Variants in NRG1 observed in about 807,000 individuals in gnomAD.
The protein encoded by NRG1 is neuregulin 1.
A neutral mutation model predicts 63.8 loss-of-function variants in NRG1; 18 were observed. That is an observed-to-expected ratio of 0.28 (90% CI 0.19 to 0.42). The LOEUF (loss-of-function observed/expected upper bound fraction) is 0.42. Ranked by LOEUF, NRG1 falls within the 10% of genes least tolerant of loss-of-function variation. The pLI is 1.00. For synonymous variants in NRG1, 302 were observed against 301.3 expected (o/e 1.00, Z -0.02); for missense variants, 762 against 814.7 (o/e 0.94, Z 0.79).
downstream of NRG1, among the ~76,000 whole-genome samples, chr8:32,769,586 A>G (rs1831652594): frequency 6.6e-6 from 1 of 152,196 alleles, no homozygotes; most frequent in Non-Finnish European, 1.5e-5. Flanking sequence ...AGTTTCGATG[A>G]CTTTATATGA....
intron 1 of NRG1, among the ~76,000 whole-genome samples, chr8:32,335,921 G>A (rs1465961954): frequency 6.6e-6 from 1 of 152,020 alleles, no homozygotes; most frequent in Non-Finnish European, 1.5e-5. Context: ...CATGGACAAT[G>A]CTAACATCCT....
At chr8:32,597,729 A>G (rs73678407) in intron 2 of NRG1, among the ~76,000 whole-genome samples, 1 of 152,240 alleles carries the variant, frequency 6.6e-6, no homozygotes, top group African/African-American at 2.4e-5. Flanking sequence ...TATACCCATT[A>G]AAAATGTAAT....
intron 1 of NRG1, among the ~76,000 whole-genome samples, chr8:31,921,754 T>C (rs765821402): frequency 3.9e-5 from 6 of 152,204 alleles, no homozygotes; most frequent in Non-Finnish European, 8.8e-5. Flanking sequence ...TGTTGAGCAC[T>C]AAAATATGAT....
At chr8:31,881,776 A>C (rs890195112) in intron 1 of NRG1, among the ~76,000 whole-genome samples, 1 of 152,186 alleles carries the variant, frequency 6.6e-6, no homozygotes, top group South Asian at 2.1e-4. Context: ...GAGATCAGCC[A>C]CAACATTCTC....
At chr8:31,670,220 A>C (rs1806980720) in intron 1 of NRG1, among the ~76,000 whole-genome samples, 1 of 152,140 alleles carries the variant, frequency 6.6e-6, no homozygotes, top group Non-Finnish European at 1.5e-5. Flanking sequence ...ACAAAAACTT[A>C]CTAAAAGTCA....
At chr8:32,091,288 A>AT (rs914195452) in intron 1 of NRG1, among the ~76,000 whole-genome samples, 1 of 151,974 alleles carries the variant, frequency 6.6e-6, no homozygotes. Context: ...AAAAAAAAAA[A>AT]AAAAGAAGTA....
At chr8:32,158,936 C>G (rs963878133) in intron 1 of NRG1, among the ~76,000 whole-genome samples, 5 of 152,072 alleles carry the variant, frequency 3.3e-5, no homozygotes, top group Non-Finnish European at 7.4e-5. Context: ...AGCCACCACA[C>G]AGGCTCCTCC....
At chr8:32,214,247 C>T (rs1448874029) in intron 1 of NRG1, among the ~76,000 whole-genome samples, 1 of 152,122 alleles carries the variant, frequency 6.6e-6, no homozygotes, top group South Asian at 2.1e-4. Context: ...AATCCCAATG[C>T]CAAAGTGGCG....
intron 1 of NRG1, among the ~76,000 whole-genome samples, chr8:32,519,715 G>A (rs1754740968): frequency 6.6e-6 from 1 of 152,068 alleles, no homozygotes; most frequent in South Asian, 2.1e-4. Flanking sequence ...GGAGATTCCA[G>A]GATTGAACCA....
chr8:31,807,715 C>T (rs1036382015), intron 1 of NRG1, among the ~76,000 whole-genome samples: 8 of 151,872 alleles, frequency 5.3e-5, no homozygotes, highest in African/African-American at 1.9e-4. Context: ...AATTTTGTGC[C>T]CGTTGTTTAG....
intron 1 of NRG1, among the ~76,000 whole-genome samples, chr8:31,853,095 C>G (rs1170606092): frequency 6.6e-6 from 1 of 152,016 alleles, no homozygotes; most frequent in Non-Finnish European, 1.5e-5. Flanking sequence ...GCGATGCGGG[C>G]TCTTTTTTGG....
At chr8:32,601,086 A>G (rs1450548543) in intron 2 of NRG1, among the ~76,000 whole-genome samples, 1 of 152,180 alleles carries the variant, frequency 6.6e-6, no homozygotes, top group African/African-American at 2.4e-5. Context: ...TTACTCTAGG[A>G]CACAAGGCTG....
rs1417733841 is a variant in NRG1 at position 32,356,592 on chromosome 8, C to T, written c.38-239236C>T. On this transcript the variant is annotated intron_variant, in intron 1 of 10. Coordinates refer to the NRG1 transcript ENST00000519301. Reference sequence around the variant, plus strand: ...GGTCCTGGGCCTGTTCTAATTAGTGCTGAGTATCTGTTGATCTGCTACGTG... The same window carrying T: ...GGTCCTGGGCCTGTTCTAATTAGTGTTGAGTATCTGTTGATCTGCTACGTG... Among the ~76,000 whole-genome samples the T allele has an allele frequency of 2.7e-5, 4 of 149,706 alleles. No individual in the cohort carries two copies. In the South Asian group the frequency reaches 6.3e-4, roughly 24 times the overall value.
chr8:32,672,451 A>C (rs2954045), intron 5 of NRG1, among the ~76,000 whole-genome samples: 7,490 of 152,228 alleles, frequency 0.049, 692 homozygotes, highest in East Asian at 0.41. Flanking sequence ...CACATGAAAA[A>C]TAGTGGCACC....
At chr8:32,216,906 G>C in intron 1 of NRG1, among the ~76,000 whole-genome samples, 1 of 151,834 alleles carries the variant, frequency 6.6e-6, no homozygotes, top group Non-Finnish European at 1.5e-5. Flanking sequence ...CTCAGCCTTA[G>C]TTGCTCATTA....
chr8:32,418,377 A>G (rs1444146320), intron 1 of NRG1, among the ~76,000 whole-genome samples: 4 of 149,330 alleles, frequency 2.7e-5, no homozygotes, highest in Non-Finnish European at 6.0e-5. Flanking sequence ...TAACTCTTTA[A>G]TATATTTAAT....
At chr8:31,794,181 T>C (rs1563409568) in intron 1 of NRG1, among the ~76,000 whole-genome samples, 1 of 152,160 alleles carries the variant, frequency 6.6e-6, no homozygotes, top group Non-Finnish European at 1.5e-5. Flanking sequence ...AAATATTTAT[T>C]TCCAGATGAC....
At chr8:32,163,631 T>C (rs16878893) in intron 1 of NRG1, among the ~76,000 whole-genome samples, 2,471 of 152,320 alleles carry the variant, frequency 0.016, 69 homozygotes, top group African/African-American at 0.054. Flanking sequence ...TGTTATCTTA[T>C]GTTTTTTATC....
Position 31,913,557 on chromosome 8 carries a change from G to A in NRG1, c.37+274126G>A, listed in dbSNP as rs552140876. On this transcript the variant is annotated intron_variant, in intron 1 of 10. Coordinates refer to the NRG1 transcript ENST00000519301. ...ATTGTCAGATACTGAGTTATCCAGG[G>A]TTAAACAGAAGTTACAGTCTGTGTT... is the stretch of plus-strand genomic sequence containing the variant. Among the ~76,000 whole-genome samples, 13 of 152,048 alleles carry A rather than the reference G, an allele frequency of 8.5e-5. No individual in the cohort carries two copies. In the South Asian group the frequency reaches 1.0e-3, roughly 12 times the overall value.
Sources: gnomAD v4.1 joint callset for allele counts (sites outside exome capture counted in the v4.1 genomes callset) on GRCh38, gnomAD v4.1.1 for gene constraint, MANE v1.5 for transcripts, NCBI Gene and HGNC (gene_info 2026-07-23, HGNC 2026-07-21) for gene names.